Variants in PTPRD observed in about 807,000 individuals in gnomAD.
The protein encoded by PTPRD is protein tyrosine phosphatase receptor type D.
Under a neutral mutation model 214.5 loss-of-function variants are expected in PTPRD, and 34 were observed. The observed-to-expected ratio is 0.16, with a 90% CI of 0.12 to 0.21. The LOEUF (loss-of-function observed/expected upper bound fraction) is 0.21. Ranked by LOEUF, PTPRD falls within the 10% of genes least tolerant of loss-of-function variation. The pLI is 1.00. For missense variants in PTPRD, 2,545 were observed against 2,398.7 expected (o/e 1.06, Z -1.27); for synonymous variants, 1,128 against 845.7 (o/e 1.33, Z -5.79).
At chr9:9,029,974 G>A (rs537812758) in intron 10 of PTPRD, among the ~76,000 whole-genome samples, 2 of 152,070 alleles carry the variant, frequency 1.3e-5, no homozygotes, top group Admixed American at 6.6e-5. Flanking sequence ...TGCAGAGCCA[G>A]GAACTGAACC....
chr9:10,597,334 A>G (rs1014923260), intron 2 of PTPRD, among the ~76,000 whole-genome samples: 2 of 151,748 alleles, frequency 1.3e-5, no homozygotes, highest in Non-Finnish European at 3.0e-5. Flanking sequence ...GATTTTATTT[A>G]TCAAAAGGAA....
chr9:8,890,767 A>AT (rs1466069078), intron 11 of PTPRD, among the ~76,000 whole-genome samples: 1 of 152,042 alleles, frequency 6.6e-6, no homozygotes, highest in East Asian at 1.9e-4. Context: ...CAGTACATCT[A>AT]TTTTTCCAAA....
rs565500550 is a variant in PTPRD, at chr9:8,723,801, G to C, written c.64+9979C>G. Among the ~76,000 whole-genome samples, 4 of 152,084 alleles carry C rather than the reference G, an allele frequency of 2.6e-5. 1 individual carries two copies. The highest frequency in any genetic ancestry group is 9.6e-5 in the African/African-American group (4 of 41,508). Reference sequence around the variant, plus strand: ...TTATCTTTACACACAAAAAAACTAAGAAAACATACTTGGTTTAGTAGATTT... The same window carrying C: ...TTATCTTTACACACAAAAAAACTAACAAAACATACTTGGTTTAGTAGATTT... On this transcript the variant is annotated intron_variant, in intron 12 of 45. Coordinates refer to ENST00000381196, the MANE Select transcript of PTPRD (RefSeq NM_002839.4).
At chr9:9,321,546 A>T (rs1966528668) in intron 9 of PTPRD, among the ~76,000 whole-genome samples, 1 of 112,758 alleles carries the variant, frequency 8.9e-6, no homozygotes, top group African/African-American at 3.5e-5. Context: ...CAAGAGCAAA[A>T]CTCCACTGAG....
chr9:10,072,679 C>T lies in PTPRD; in HGVS notation c.-544-38889G>A, dbSNP rs1039634591. Among the ~76,000 whole-genome samples, 17 of 152,212 alleles carry T rather than the reference C, an allele frequency of 1.1e-4. 1 individual carries two copies. The highest frequency in any genetic ancestry group is 8.5e-4 in the Admixed American group (13 of 15,276). On this transcript the variant is annotated intron_variant, in intron 3 of 45. Coordinates refer to ENST00000381196, the MANE Select transcript of PTPRD (RefSeq NM_002839.4). ...GGATCGTGCTTATTGTTGCATTTTA[C>T]AGAGCACTGATTGGTGCATTTTACA...
At chr9:9,370,360 T>C (rs1358632154) in intron 9 of PTPRD, among the ~76,000 whole-genome samples, 1 of 151,976 alleles carries the variant, frequency 6.6e-6, no homozygotes, top group Non-Finnish European at 1.5e-5. Context: ...GGTATTTTAT[T>C]CTCTTTGAAG....
At chr9:9,694,130 T>C (rs757069508) in intron 7 of PTPRD, among the ~76,000 whole-genome samples, 3 of 152,164 alleles carry the variant, frequency 2.0e-5, no homozygotes, top group African/African-American at 4.8e-5. Flanking sequence ...GGTGAGGTCA[T>C]GTTTTCCTGG....
chr9:8,589,189 A>G (rs117249027), intron 14 of PTPRD, among the ~76,000 whole-genome samples: 64 of 152,330 alleles, frequency 4.2e-4, no homozygotes, highest in Middle Eastern at 3.4e-3. Context: ...TACACTATGA[A>G]GAGTTGCTGT....
chr9:9,709,353 T>C (rs1479820595), intron 7 of PTPRD, among the ~76,000 whole-genome samples: 1 of 152,030 alleles, frequency 6.6e-6, no homozygotes, highest in East Asian at 1.9e-4. Flanking sequence ...CAATAATCTC[T>C]TAAAACTGAA....
chr9:8,956,055 A>G (rs990554905), intron 11 of PTPRD, among the ~76,000 whole-genome samples: 4 of 151,954 alleles, frequency 2.6e-5, no homozygotes, highest in African/African-American at 7.2e-5. Flanking sequence ...AGACTTTGCA[A>G]CAAAGCTGAA....
chr9:9,132,243 T>G (rs1285724549), intron 10 of PTPRD, among the ~76,000 whole-genome samples: 2 of 152,170 alleles, frequency 1.3e-5, no homozygotes, highest in African/African-American at 4.8e-5. Flanking sequence ...TCTCCTGACC[T>G]TGTGATCCGC....
At chr9:10,308,254 A>G (rs2096150188) in intron 3 of PTPRD, among the ~76,000 whole-genome samples, 1 of 152,078 alleles carries the variant, frequency 6.6e-6, no homozygotes, top group African/African-American at 2.4e-5. Flanking sequence ...AGTGAGAGAT[A>G]GCATCTGGCT....
intron 7 of PTPRD, among the ~76,000 whole-genome samples, chr9:9,589,311 T>C (rs1255163094): frequency 6.6e-6 from 1 of 151,916 alleles, no homozygotes; most frequent in Non-Finnish European, 1.5e-5. Flanking sequence ...TAGATGTTCT[T>C]GGTTGCAGCT....
intron 9 of PTPRD, among the ~76,000 whole-genome samples, chr9:9,346,417 A>C (rs1267236470): frequency 1.3e-5 from 2 of 152,330 alleles, no homozygotes; most frequent in East Asian, 3.9e-4. Context: ...AAAAATGTAC[A>C]AAGTTATTAC....
At chr9:8,771,665 TC>T (rs1444016653) in intron 11 of PTPRD, among the ~76,000 whole-genome samples, 9 of 152,094 alleles carry the variant, frequency 5.9e-5, no homozygotes, top group African/African-American at 1.7e-4. Context: ...AGTTCCAAAG[TC>T]ATCTAAAAAG....
At chr9:10,078,267 C>T (rs13291491) in intron 3 of PTPRD, among the ~76,000 whole-genome samples, 33,456 of 150,124 alleles carry the variant, frequency 0.22, 3,971 homozygotes, top group South Asian at 0.31. Context: ...AATCCCAGCA[C>T]TTTGGGAGGC....
chr9:9,971,463 T>A (rs148314023), intron 4 of PTPRD, among the ~76,000 whole-genome samples: 1 of 152,218 alleles, frequency 6.6e-6, no homozygotes, highest in East Asian at 1.9e-4. Context: ...AGTATAACTC[T>A]ACTTTTGTAT....
intron 8 of PTPRD, among the ~76,000 whole-genome samples, chr9:9,464,964 G>C (rs185156653): frequency 6.6e-6 from 1 of 152,082 alleles, no homozygotes; most frequent in Admixed American, 6.6e-5. Flanking sequence ...CATATTTTAG[G>C]GTAGGGTTGT....
intron 34 of PTPRD, among the ~76,000 whole-genome samples, chr9:8,447,317 C>T (rs947791992): frequency 6.6e-6 from 1 of 152,086 alleles, no homozygotes. Context: ...TAAATGACAC[C>T]TTCCTTTATA....
Sources: allele counts gnomAD v4.1 joint callset (sites outside exome capture counted in the v4.1 genomes callset), GRCh38; gene constraint gnomAD v4.1.1; transcripts MANE v1.5; gene names NCBI Gene and HGNC (gene_info 2026-07-23, HGNC 2026-07-21).